EIF2D: variants seen among roughly 807,000 people sequenced by gnomAD.
EIF2D encodes the protein eukaryotic translation initiation factor 2D, also known as hepatocellular carcinoma-associated antigen 56.
In EIF2D, 56 loss-of-function variants were observed where a neutral mutation model predicts 77.4. That is an observed-to-expected ratio of 0.72 (90% CI 0.58 to 0.90). EIF2D has a LOEUF of 0.90. Ranked by LOEUF, EIF2D falls within the 40% of genes least tolerant of loss-of-function variation. The pLI is 0.00. For missense variants in EIF2D, 574 were observed against 706.5 expected (o/e 0.81, Z 2.13); for synonymous variants, 230 against 271.0 (o/e 0.85, Z 1.49).
At chr1:206,598,892 TA>T in intron 11 of EIF2D, 110 bp downstream of exon 11, 1 of 1,086,004 alleles carries the variant, frequency 9.2e-7, no homozygotes, top group Non-Finnish European at 1.3e-6. Context: ...TAATTACCTC[TA>T]AGATGCTATG....
chr1:206,604,056 C>T (rs1207545231), intron 5 of EIF2D, among the ~76,000 whole-genome samples: 7 of 152,174 alleles, frequency 4.6e-5, no homozygotes, highest in Non-Finnish European at 7.3e-5. Flanking sequence ...CAACAAGGTG[C>T]TAGGAGAACA....
chr1:206,574,142 CT>C (rs1180937519), intron 4 of EIF2D, among the ~76,000 whole-genome samples: 1 of 152,258 alleles, frequency 6.6e-6, no homozygotes, highest in Non-Finnish European at 1.5e-5. Context: ...CCCACTCTAG[CT>C]GAGCTGTGCA....
In EIF2D at chr1:206,579,480, C is replaced by T. The variant is rs1287488760; in HGVS notation, c.*254+1212G>A. Among the ~76,000 whole-genome samples, 1 of 152,118 alleles carries T rather than the reference C, an allele frequency of 6.6e-6. No homozygotes were observed. Among genetic ancestry groups the T allele is most frequent in the Non-Finnish European group, 1.5e-5 (1 of 68,018 alleles). ...TATCCTCTGAAGATTGCTATAGTAT[C>T]GATCTCGCTCTCATGGCAGATAGTG... On this transcript the variant is annotated intron_variant and NMD_transcript_variant, in intron 4 of 5. Transcript: ENST00000472709. This position sits in a 1 kb window ranked among gnomAD's most constrained non-coding sequence, Gnocchi z 4.2.
chr1:206,594,333 T>C (rs1247306567), intron 13 of EIF2D: 1 of 152,178 alleles, frequency 6.6e-6, no homozygotes, highest in African/African-American at 2.4e-5. Context: ...AAACAATAGC[T>C]CCTTAATATC....
intron 13 of EIF2D, chr1:206,595,073 GT>G (rs1367322974): frequency 6.6e-6 from 1 of 152,136 alleles, no homozygotes; most frequent in Non-Finnish European, 1.5e-5. Flanking sequence ...AAGAAATGAA[GT>G]AACATGCTCA....
intron 5 of EIF2D, among the ~76,000 whole-genome samples, chr1:206,603,978 A>C (rs538786310): frequency 8.5e-5 from 13 of 152,198 alleles, no homozygotes; most frequent in Non-Finnish European, 1.8e-4. Context: ...GAGAGAACCA[A>C]AGCAGCTGCT....
At chr1:206,603,411 G>A (rs1670029018) in intron 5 of EIF2D, 1 of 564,910 alleles carries the variant, frequency 1.8e-6, no homozygotes, top group African/African-American at 1.9e-5. Context: ...CTTCATCTCT[G>A]AAATGGGGAG....
rs374614488 is a variant in EIF2D at position 206,608,226 on chromosome 1, G to A, written c.422+10C>T. ...TTTTCCCCCAAAGGCACAGTTGCCT[G>A]GCACAGTACCTGTTCCCCACCAAAG... On this transcript the variant is annotated intron_variant, in intron 4 of 14. Transcript: ENST00000271764. 8.1e-6 allele frequency: 13 copies of A among 1,608,076 alleles called. No individual in the cohort carries two copies. The African/African-American group carries it at 1.5e-4, about 18-fold the overall frequency.
In EIF2D at chr1:206,603,174, G is replaced by C; in HGVS notation, c.561C>G (p.Ser187=). 3 of 1,614,080 alleles carry C rather than the reference G, an allele frequency of 1.9e-6. 1 individual carries two copies. The South Asian group carries it at 3.3e-5, about 18-fold the overall frequency. The change falls in exon 6 of 15, where the codon TCC becomes TCG. Residue 187 remains serine, a synonymous_variant. Transcript: ENST00000271764. ...CTGAATCCAGGGCCAGTGGAGCAAT[G>C]GAAGGTGGAGAGGACTTGTTTCCAG... ...WRSGNKSSPP[S]IAPLALDSAD...
At chr1:206,596,001 A>G (rs1304600377) in intron 12 of EIF2D, among the ~76,000 whole-genome samples, 163 bp from the exon 13 acceptor site, 1 of 152,164 alleles carries the variant, frequency 6.6e-6, no homozygotes, top group African/African-American at 2.4e-5. Flanking sequence ...GCCCAGATCA[A>G]TGAAATCTGT....
In EIF2D at chr1:206,591,763, C is replaced by T. The variant is rs782212466; in HGVS notation, c.*12G>A. ...TTTCCACCGGATCCACCACGTGAGA[C>T]AAAAGAGTCTGTCACTTCTTCTTGC... is the stretch of plus-strand genomic sequence containing the variant. On this transcript the variant is annotated 3_prime_UTR_variant, in exon 15 of 15. Transcript: ENST00000271764. The T allele has an allele frequency of 6.2e-7, 1 of 1,613,992 alleles. No individual in the cohort carries two copies. The highest frequency in any genetic ancestry group is 8.5e-7 in the Non-Finnish European group (1 of 1,179,822).
At position 206,584,466 on chromosome 1, in the gene EIF2D, G is replaced by A. The variant is rs782470099; in HGVS notation, c.139-3304C>T. 15 of 1,614,026 alleles carry A rather than the reference G, an allele frequency of 9.3e-6. No individual in the cohort carries two copies. The South Asian group carries it at 1.3e-4, about 14-fold the overall frequency. ...CCTGTGACGGTGCCTGCTGGGATCC[G>A]GCCCCAGTCCATCTATGATGCCATC... On this transcript the variant is annotated intron_variant and NMD_transcript_variant, in intron 2 of 5. Coordinates refer to the EIF2D transcript ENST00000472709. The surrounding 1 kb of genome is among the most constrained non-coding windows in gnomAD (Gnocchi z 4.9).
intron 4 of EIF2D, among the ~76,000 whole-genome samples, chr1:206,574,438 C>A (rs1375335852): frequency 1.3e-5 from 2 of 152,176 alleles, no homozygotes; most frequent in Non-Finnish European, 2.9e-5. Flanking sequence ...TTACTACTGG[C>A]GGACTGTTGA....
downstream of EIF2D, among the ~76,000 whole-genome samples, chr1:206,590,259 T>C (rs1224736765): frequency 6.6e-6 from 1 of 152,170 alleles, no homozygotes; most frequent in East Asian, 1.9e-4. Context: ...CATGGCAGAA[T>C]TGTGGGTCAA....
intron 2 of EIF2D, 91 bp downstream of exon 2, chr1:206,611,093 T>C: frequency 2.3e-6 from 3 of 1,287,254 alleles, no homozygotes; most frequent in Non-Finnish European, 3.2e-6. Flanking sequence ...TGCTTGCTTA[T>C]TTTATGGGAG....
downstream of EIF2D, chr1:206,588,097 C>CCCCA (rs1275176668): frequency 6.5e-6 from 1 of 152,916 alleles, no homozygotes; most frequent in East Asian, 1.9e-4. Flanking sequence ...GCTCGGAGAG[C>CCCCA]CGGTGGGCCT....
intron 14 of EIF2D, 111 bp downstream of exon 14, chr1:206,593,508 A>AGAGAGAGAGAGAGAGTGTGTGT (rs10533643): frequency 2.7e-6 from 1 of 365,910 alleles, no homozygotes; most frequent in African/African-American, 2.4e-5. Context: ...AGAGAGAGAG[A>AGAGAGAGAGAGAGAGTGTGTGT]GTGTGTGTGT....
chr1:206,590,890 A>C (rs1424870598), downstream of EIF2D, among the ~76,000 whole-genome samples: 1 of 152,196 alleles, frequency 6.6e-6, no homozygotes, highest in Non-Finnish European at 1.5e-5. Context: ...ATACAAGGAG[A>C]GATCCAGTCA....
intron 11 of EIF2D, among the ~76,000 whole-genome samples, chr1:206,597,765 T>TTTAGTA (rs1553410493): frequency 1.3e-5 from 2 of 151,948 alleles, no homozygotes; most frequent in Non-Finnish European, 2.9e-5. Context: ...GCCAACATGG[T>TTTAGTA]GAAACCCCGT....
Sources: gnomAD v4.1 joint callset for allele counts (sites outside exome capture counted in the v4.1 genomes callset) on GRCh38, gnomAD v4.1.1 for gene constraint, Gnocchi (gnomAD v3.1) non-coding constraint, MANE v1.5 for transcripts, NCBI Gene and HGNC (gene_info 2026-07-23, HGNC 2026-07-21) for gene names.